Variants in NUBPL observed in about 807,000 individuals in gnomAD.
The protein encoded by NUBPL is iron-sulfur cluster transfer protein NUBPL.
A neutral mutation model predicts 45.7 loss-of-function variants in NUBPL; 31 were observed. The observed-to-expected ratio is 0.68, with a 90% CI of 0.51 to 0.92. The LOEUF (loss-of-function observed/expected upper bound fraction) is 0.92. NUBPL is among the 40% of genes least tolerant of loss of function. NUBPL has a pLI of 0.00. For synonymous variants in NUBPL, 144 were observed against 140.9 expected, an observed-to-expected ratio of 1.02 and a Z score of -0.15; for missense variants, 401 against 398.7, an observed-to-expected ratio of 1.01 and a Z score of -0.05.
At chr14:31,823,670 C>T (rs1024255204) in intron 7 of NUBPL, among the ~76,000 whole-genome samples, 6 of 152,072 alleles carry the variant, frequency 3.9e-5, no homozygotes, top group Admixed American at 6.6e-5. Context: ...TCCTTGGAAA[C>T]TATCTAGTGC....
intron 6 of NUBPL, among the ~76,000 whole-genome samples, chr14:31,712,393 G>A (rs924646176): frequency 2.0e-5 from 3 of 152,226 alleles, no homozygotes; most frequent in Non-Finnish European, 4.4e-5. Context: ...TTCGTCCCCT[G>A]ATCAAGCCCA....
Position 31,599,300 on chromosome 14 carries a change from TG to T in NUBPL, c.305del (p.Gly102ValfsTer3), listed in dbSNP as rs1400914775. The T allele has an allele frequency of 6.2e-7, 1 of 1,610,540 alleles. No homozygotes were observed. The highest frequency in any genetic ancestry group is 2.2e-5 in the East Asian group (1 of 44,770). On this transcript the variant is annotated frameshift_variant, in exon 4 of 11. Transcript: ENST00000281081. LOFTEE classifies it high-confidence loss of function. ...TTATTTTTTTACAGTCCAAGGCCAT[TG>T]GTTTGCTAGATGTGGATGTGTATGG... ...LAANDSSKAI[G>X]LLDVDVYGPS...
At chr14:31,700,826 T>TC (rs1210442535) in intron 6 of NUBPL, among the ~76,000 whole-genome samples, 2 of 138,730 alleles carry the variant, frequency 1.4e-5, no homozygotes, top group African/African-American at 2.6e-5. Context: ...CCCAGCCCCC[T>TC]CCCCCCCACC....
chr14:31,654,281 G>A, intron 4 of NUBPL: 1 of 261,592 alleles, frequency 3.8e-6, no homozygotes, highest in South Asian at 4.0e-5. Context: ...AAATGCTAAT[G>A]ATCATTAGCC....
intron 4 of NUBPL, among the ~76,000 whole-genome samples, chr14:31,643,129 A>T (rs187087551): frequency 1.3e-5 from 2 of 152,006 alleles, no homozygotes; most frequent in Non-Finnish European, 2.9e-5. Flanking sequence ...TTCCTTTCCA[A>T]TTTGTATATG....
At chr14:31,852,005 C>A (rs1032118448) in intron 10 of NUBPL, among the ~76,000 whole-genome samples, 1 of 152,090 alleles carries the variant, frequency 6.6e-6, no homozygotes, top group South Asian at 2.1e-4. Context: ...TGATTTAATA[C>A]TCTAAATAGC....
intron 6 of NUBPL, among the ~76,000 whole-genome samples, chr14:31,747,289 C>G (rs902496277): frequency 6.6e-6 from 1 of 151,590 alleles, no homozygotes; most frequent in Non-Finnish European, 1.5e-5. Context: ...GCGCCTGCCA[C>G]CACGCCCAGC....
chr14:31,734,969 C>A (rs555883773), intron 6 of NUBPL, among the ~76,000 whole-genome samples: 55 of 151,908 alleles, frequency 3.6e-4, no homozygotes, highest in Non-Finnish European at 7.2e-4. Context: ...ACTCTAGGCC[C>A]AAATTTGTTG....
chr14:31,728,597 A>G (rs1002627649), intron 6 of NUBPL, among the ~76,000 whole-genome samples: 17 of 152,342 alleles, frequency 1.1e-4, no homozygotes, highest in Admixed American at 9.1e-4. Flanking sequence ...ACTGCAAAGT[A>G]ATATCAATTT....
intron 6 of NUBPL, among the ~76,000 whole-genome samples, chr14:31,747,209 T>C (rs12889805): frequency 1 from 148,979 of 149,606 alleles, 74,193 homozygotes; most frequent in Middle Eastern, 1. Context: ...GATCTTGGCT[T>C]ACTGCAAACT....
chr14:31,591,767 A>G (rs1197016180), intron 3 of NUBPL, among the ~76,000 whole-genome samples: 1 of 152,166 alleles, frequency 6.6e-6, no homozygotes, highest in African/African-American at 2.4e-5. Context: ...AAATCATAGT[A>G]TGTTAAAGCT....
intron 6 of NUBPL, among the ~76,000 whole-genome samples, chr14:31,718,491 T>A (rs2037736752): frequency 6.6e-6 from 1 of 152,200 alleles, no homozygotes; most frequent in East Asian, 1.9e-4. Context: ...GCCAGAAATG[T>A]TGGTGTAAGA....
chr14:31,711,327 G>A (rs117745933), intron 6 of NUBPL, among the ~76,000 whole-genome samples: 169 of 152,282 alleles, frequency 1.1e-3, no homozygotes, highest in East Asian at 1.7e-3. Flanking sequence ...CCTGACACCC[G>A]TGTCTTTAGT....
At chr14:31,817,957 T>C (rs7156676) in intron 7 of NUBPL, among the ~76,000 whole-genome samples, 4 of 151,384 alleles carry the variant, frequency 2.6e-5, no homozygotes, top group Admixed American at 2.6e-4. Context: ...AATAAAGGGA[T>C]GGAGGAATAC....
At chr14:31,654,679 G>A (rs2036100258) in intron 4 of NUBPL, among the ~76,000 whole-genome samples, 1 of 152,134 alleles carries the variant, frequency 6.6e-6, no homozygotes, top group African/African-American at 2.4e-5. Context: ...AAAGTGCTGG[G>A]ATTACAGGTG....
At chr14:31,817,279 C>T (rs530978738) in intron 7 of NUBPL, among the ~76,000 whole-genome samples, 1 of 152,108 alleles carries the variant, frequency 6.6e-6, no homozygotes, top group African/African-American at 2.4e-5. Flanking sequence ...ATTTTCCTTC[C>T]CCAACCTAAC....
At chr14:31,713,776 T>C (rs563274401) in intron 6 of NUBPL, among the ~76,000 whole-genome samples, 1 of 152,360 alleles carries the variant, frequency 6.6e-6, no homozygotes, top group Non-Finnish European at 1.5e-5. Context: ...AAGACCTCTG[T>C]CCTTCTACCT....
At chr14:31,804,182 T>C (rs1299696753) in intron 7 of NUBPL, among the ~76,000 whole-genome samples, 1 of 152,176 alleles carries the variant, frequency 6.6e-6, no homozygotes, top group Non-Finnish European at 1.5e-5. Flanking sequence ...ATATAGACAC[T>C]AGTAGTACAG....
At chr14:31,765,149 G>T (rs140943284) in intron 6 of NUBPL, among the ~76,000 whole-genome samples, 1 of 152,120 alleles carries the variant, frequency 6.6e-6, no homozygotes, top group Non-Finnish European at 1.5e-5. Flanking sequence ...CAAAAAAAAG[G>T]TCTGACTTCT....
Sources: allele counts gnomAD v4.1 joint callset (sites outside exome capture counted in the v4.1 genomes callset), GRCh38; gene constraint gnomAD v4.1.1; transcripts MANE v1.5; gene names NCBI Gene and HGNC (gene_info 2026-07-23, HGNC 2026-07-21).